Variants in INSC observed in about 807,000 individuals in gnomAD.
INSC encodes protein inscuteable homolog.
Under a neutral mutation model 58.6 loss-of-function variants are expected in INSC, and 67 were observed. That is an observed-to-expected ratio of 1.14 (90% CI 0.94 to 1.40). The LOEUF (loss-of-function observed/expected upper bound fraction) is 1.40, where lower values mean the gene tolerates loss of function less well. INSC is among the 40% of genes most tolerant of loss of function. The pLI, the probability that INSC is intolerant of heterozygous loss-of-function variation, is 0.00. For synonymous variants in INSC, 262 were observed against 276.1 expected (o/e 0.95, Z 0.51); for missense variants, 714 against 692.0 (o/e 1.03, Z -0.36).
chr11:15,212,534 AT>A (rs1330933560), intron 7 of INSC, among the ~76,000 whole-genome samples: 2 of 152,200 alleles, frequency 1.3e-5, no homozygotes, highest in African/African-American at 4.8e-5. Context: ...ACTGTCTTTA[AT>A]TTCTCTCAGC....
chr11:15,136,603 T>C (rs1268738463), intron 1 of INSC, among the ~76,000 whole-genome samples: 1 of 152,218 alleles, frequency 6.6e-6, no homozygotes, highest in African/African-American at 2.4e-5. Flanking sequence ...AGGAGTAGAT[T>C]ACATCTCAAG....
At chr11:15,171,282 G>A (rs923395870) in intron 2 of INSC, among the ~76,000 whole-genome samples, 1 of 152,090 alleles carries the variant, frequency 6.6e-6, no homozygotes, top group South Asian at 2.1e-4. Flanking sequence ...GGTGGTCCCA[G>A]GTGCTGTAAT....
At chr11:15,223,653 G>A (rs1160332224) in intron 8 of INSC, among the ~76,000 whole-genome samples, 1 of 152,178 alleles carries the variant, frequency 6.6e-6, no homozygotes, top group African/African-American at 2.4e-5. Context: ...GGACCTAGAA[G>A]GAATCTTACA....
At chr11:15,225,950 G>A (rs1334803414) in intron 9 of INSC, 122 bp downstream of exon 9, 4 of 910,250 alleles carry the variant, frequency 4.4e-6, no homozygotes, top group Middle Eastern at 3.4e-4. Context: ...TTTGCATGCT[G>A]TAGGAGGGCA....
rs142041887 is a variant in INSC at position 15,147,874 on chromosome 11, C to G, written c.-45-1256C>G. Among the ~76,000 whole-genome samples, 52 of 152,336 alleles carry G rather than the reference C, an allele frequency of 3.4e-4. 2 individuals are homozygous for G. In the East Asian group the frequency reaches 9.2e-3, roughly 27 times the overall value. On this transcript the variant is annotated intron_variant, in intron 1 of 12. Transcript: ENST00000379556. Reference sequence around the variant, plus strand: ...CCCACATCACTATTAAAGTGCTCCTCCTCCATTCTTTTCTATAGGGCTCCC... The same window carrying G: ...CCCACATCACTATTAAAGTGCTCCTGCTCCATTCTTTTCTATAGGGCTCCC...
intron 2 of INSC, among the ~76,000 whole-genome samples, chr11:15,169,518 TTTGTTG>T (rs966873895): frequency 1.3e-5 from 2 of 150,462 alleles, no homozygotes; most frequent in Non-Finnish European, 2.9e-5. Flanking sequence ...GCTCACAGTT[TTTGTTG>T]TTGTTGTTGT....
At chr11:15,206,977 A>G (rs1378115806) in intron 7 of INSC, among the ~76,000 whole-genome samples, 4 of 152,156 alleles carry the variant, frequency 2.6e-5, no homozygotes, top group African/African-American at 9.7e-5. Flanking sequence ...TTTTGCAATG[A>G]CCATGGCAGG....
intron 2 of INSC, among the ~76,000 whole-genome samples, chr11:15,157,698 G>A (rs1423406573): frequency 6.6e-6 from 1 of 152,204 alleles, no homozygotes; most frequent in Non-Finnish European, 1.5e-5. Flanking sequence ...AAACCTTAAT[G>A]AGCCACAGTC....
chr11:15,266,213 G>C, the INSC span, among the ~76,000 whole-genome samples: 3 of 151,682 alleles, frequency 2.0e-5, no homozygotes, highest in Middle Eastern at 3.4e-3. Context: ...TTAAAATAAA[G>C]ACCTTTCTAG....
At chr11:15,175,468 TC>T (rs1427690069) in intron 2 of INSC, among the ~76,000 whole-genome samples, 1 of 152,090 alleles carries the variant, frequency 6.6e-6, no homozygotes, top group Non-Finnish European at 1.5e-5. Flanking sequence ...CCCTTCCATT[TC>T]CCCCTTATTG....
At chr11:15,236,613 AAG>A (rs1852141571) in intron 10 of INSC, among the ~76,000 whole-genome samples, 1 of 152,158 alleles carries the variant, frequency 6.6e-6, no homozygotes, top group African/African-American at 2.4e-5. Flanking sequence ...AAGCTGATCT[AAG>A]CTGTTTCTGC....
intron 1 of INSC, among the ~76,000 whole-genome samples, chr11:15,131,941 A>G (rs1334437802): frequency 1.3e-5 from 2 of 152,196 alleles, no homozygotes; most frequent in East Asian, 3.9e-4. Context: ...AGTTTAGCTC[A>G]TTTCCCCTTA....
At chr11:15,135,267 A>G (rs1374966242) in intron 1 of INSC, among the ~76,000 whole-genome samples, 6 of 152,234 alleles carry the variant, frequency 3.9e-5, no homozygotes. Context: ...ACACTGTGCA[A>G]AGCACTAGAC....
intron 2 of INSC, among the ~76,000 whole-genome samples, chr11:15,174,537 T>C (rs960648878): frequency 4.6e-5 from 7 of 152,242 alleles, no homozygotes; most frequent in Admixed American, 2.6e-4. Flanking sequence ...TAGGTACTGA[T>C]ATTTGTAGAT....
At chr11:15,242,569 G>A (rs1590018526) in intron 12 of INSC, among the ~76,000 whole-genome samples, 1 of 152,106 alleles carries the variant, frequency 6.6e-6, no homozygotes, top group East Asian at 1.9e-4. Context: ...CATCCCTAGG[G>A]CTGCAGACCT....
intron 2 of INSC, among the ~76,000 whole-genome samples, chr11:15,167,247 A>G (rs1355163337): frequency 6.6e-6 from 1 of 152,050 alleles, no homozygotes; most frequent in Non-Finnish European, 1.5e-5. Flanking sequence ...TCAGCTGCTA[A>G]TAGGCCAGAG....
intron 1 of INSC, among the ~76,000 whole-genome samples, chr11:15,127,963 C>A (rs1433768163): frequency 6.6e-6 from 1 of 151,956 alleles, no homozygotes; most frequent in Non-Finnish European, 1.5e-5. Context: ...CCGTTGCACT[C>A]CAGCCTGGGT....
intron 1 of INSC, among the ~76,000 whole-genome samples, chr11:15,145,761 G>A (rs1467420919): frequency 1.3e-5 from 2 of 152,214 alleles, no homozygotes; most frequent in African/African-American, 2.4e-5. Context: ...CCTGAGGGCT[G>A]TGTCACTGAG....
At chr11:15,238,482 G>A (rs796352970) in intron 10 of INSC, among the ~76,000 whole-genome samples, 1 of 152,128 alleles carries the variant, frequency 6.6e-6, no homozygotes, top group Admixed American at 6.5e-5. Flanking sequence ...TAAATGTGAT[G>A]CTACATCTGA....
Sources: gnomAD v4.1 joint callset for allele counts (sites outside exome capture counted in the v4.1 genomes callset) on GRCh38, gnomAD v4.1.1 for gene constraint, MANE v1.5 for transcripts, NCBI Gene and HGNC (gene_info 2026-07-23, HGNC 2026-07-21) for gene names.